The following RIT2 variants were observed in gnomAD, a reference collection of about 807,000 sequenced individuals.
The protein encoded by RIT2 is GTP-binding protein Rit2.
A neutral mutation model predicts 23.7 loss-of-function variants in RIT2; 24 were observed. The observed-to-expected ratio is 1.01, with a 90% CI of 0.73 to 1.43. The LOEUF is 1.43. RIT2 is among the 40% of genes most tolerant of loss of function. The pLI is 0.00. For missense variants in RIT2, 236 were observed against 266.9 expected (o/e 0.88, Z 0.81); for synonymous variants, 107 against 91.1 (o/e 1.17, Z -0.99).
intron 1 of RIT2, among the ~76,000 whole-genome samples, chr18:43,084,849 TAACA>T (rs1368993428): frequency 1.3e-5 from 2 of 152,248 alleles, no homozygotes; most frequent in Non-Finnish European, 2.9e-5. Context: ...TATACCTATG[TAACA>T]AACCTGCACG....
intron 2 of RIT2, among the ~76,000 whole-genome samples, chr18:42,995,066 C>T (rs1055440548): frequency 6.6e-6 from 1 of 152,130 alleles, no homozygotes; most frequent in Non-Finnish European, 1.5e-5. Flanking sequence ...CTTTCCTGTT[C>T]CTCACCCTGA....
rs189279096 is a variant in RIT2, at chr18:42,827,112, G to A, written c.427-83392C>T. On this transcript the variant is annotated intron_variant, in intron 4 of 4. Transcript: ENST00000326695. ...TTGCCTAATGTGTTAGAGGTTTTGCGTAATGCTATTTGTCTATAGTAATGA... is the reference window on the plus strand; with the variant it reads ...TTGCCTAATGTGTTAGAGGTTTTGCATAATGCTATTTGTCTATAGTAATGA... Among the ~76,000 whole-genome samples the A allele has an allele frequency of 2.6e-5, 4 of 152,208 alleles. No individual in the cohort carries two copies. In the East Asian group the frequency reaches 7.7e-4, roughly 29 times the overall value.
intron 2 of RIT2, among the ~76,000 whole-genome samples, chr18:43,013,756 A>C (rs1044824087): frequency 2.0e-5 from 3 of 151,730 alleles, no homozygotes; most frequent in African/African-American, 7.2e-5. Flanking sequence ...TATGAACTTG[A>C]AAACTAGATA....
At chr18:42,923,786 T>C in intron 3 of RIT2, 23 bp from the exon 4 acceptor site, 2 of 1,216,320 alleles carry the variant, frequency 1.6e-6, no homozygotes, top group East Asian at 2.5e-5. Context: ...AAAAAAAAAA[T>C]TAGTTATGGG....
intron 4 of RIT2, among the ~76,000 whole-genome samples, chr18:42,792,101 T>C (rs918490579): frequency 8.1e-4 from 123 of 152,198 alleles, no homozygotes; most frequent in African/African-American, 2.8e-3. Context: ...AAAGTAGCAA[T>C]GGATAGGGAA....
chr18:43,093,479 AC>A, intron 1 of RIT2, among the ~76,000 whole-genome samples: 1 of 151,750 alleles, frequency 6.6e-6, no homozygotes, highest in Non-Finnish European at 1.5e-5. Context: ...ATTGTTATAG[AC>A]CTAGTTCTTT....
chr18:42,967,977 A>G (rs1910275724), intron 3 of RIT2, among the ~76,000 whole-genome samples: 1 of 152,114 alleles, frequency 6.6e-6, no homozygotes, highest in Non-Finnish European at 1.5e-5. Flanking sequence ...AATTTAGATA[A>G]TCAGCATGTT....
chr18:42,810,207 G>T (rs1396340716), intron 4 of RIT2, among the ~76,000 whole-genome samples: 1 of 151,248 alleles, frequency 6.6e-6, no homozygotes, highest in East Asian at 1.9e-4. Context: ...TTAATGAGGT[G>T]TTTTGGGGCT....
intron 2 of RIT2, among the ~76,000 whole-genome samples, chr18:43,032,082 A>G (rs1911867103): frequency 6.6e-6 from 1 of 152,134 alleles, no homozygotes; most frequent in Admixed American, 6.6e-5. Flanking sequence ...ATCAAAAGTA[A>G]TAAAGTACTC....
intron 3 of RIT2, among the ~76,000 whole-genome samples, chr18:42,957,126 T>A (rs1909990745): frequency 6.6e-6 from 1 of 152,164 alleles, no homozygotes; most frequent in Admixed American, 6.5e-5. Flanking sequence ...CATTACATAT[T>A]CACTTAAAAC....
chr18:42,982,746 C>A (rs950786391), intron 2 of RIT2, among the ~76,000 whole-genome samples: 2 of 152,050 alleles, frequency 1.3e-5, no homozygotes, highest in African/African-American at 4.8e-5. Context: ...CAAATTTACA[C>A]TTGCTCAAAA....
intron 1 of RIT2, among the ~76,000 whole-genome samples, chr18:43,111,499 C>T (rs1056435421): frequency 1.3e-5 from 2 of 152,012 alleles, no homozygotes; most frequent in Non-Finnish European, 2.9e-5. Context: ...GATGGATACA[C>T]CATACCCTGA....
intron 4 of RIT2, among the ~76,000 whole-genome samples, chr18:42,852,500 G>T (rs2144038008): frequency 6.6e-6 from 1 of 152,268 alleles, no homozygotes; most frequent in African/African-American, 2.4e-5. Flanking sequence ...ATGGTGTTCA[G>T]GCTCTGGGAC....
At chr18:42,957,242 G>T (rs1223464025) in intron 3 of RIT2, among the ~76,000 whole-genome samples, 1 of 152,052 alleles carries the variant, frequency 6.6e-6, no homozygotes, top group Non-Finnish European at 1.5e-5. Context: ...TATCCATAAT[G>T]CATCCTTCAT....
chr18:43,104,210 C>T (rs889412549), intron 1 of RIT2, among the ~76,000 whole-genome samples: 7 of 152,112 alleles, frequency 4.6e-5, no homozygotes, highest in African/African-American at 1.7e-4. Context: ...CAAAAGTTCT[C>T]ACTTGTAAAT....
At chr18:43,020,449 G>T (rs2144265094) in intron 2 of RIT2, among the ~76,000 whole-genome samples, 1 of 152,084 alleles carries the variant, frequency 6.6e-6, no homozygotes, top group South Asian at 2.1e-4. Flanking sequence ...TCATGTCACT[G>T]CACTCCAGCC....
intron 1 of RIT2, among the ~76,000 whole-genome samples, chr18:43,040,308 T>C (rs924660233): frequency 1.3e-5 from 2 of 152,214 alleles, no homozygotes; most frequent in African/African-American, 2.4e-5. Flanking sequence ...AAGTAGAATG[T>C]ATAAGAACGC....
intron 3 of RIT2, among the ~76,000 whole-genome samples, chr18:42,939,487 TG>T (rs1909541654): frequency 6.6e-6 from 1 of 152,164 alleles, no homozygotes; most frequent in Non-Finnish European, 1.5e-5. Flanking sequence ...AATCACCTTT[TG>T]TTAGGCTGAC....
rs1912839805 is a variant in RIT2 at position 42,743,466 on chromosome 18, AGC to A, written c.*25_*26del. 6 of 1,490,578 alleles carry A rather than the reference AGC, an allele frequency of 4.0e-6. No homozygotes were observed. The South Asian group carries it at 5.7e-5, about 14-fold the overall frequency. The allele number at this position is 1,490,578 out of a possible 1,614,324, so 92.3% of individuals were successfully genotyped here. A position where few individuals can be genotyped will look rare whatever the true frequency, so the allele number is the denominator to read the frequency against. ...ATTGTCCAACTAATAAAATTCAGAG[AGC>A]GTGAGGAACTCAAAAGCAAAGATAT... On this transcript the variant is annotated 3_prime_UTR_variant, in exon 5 of 5. Coordinates refer to ENST00000326695, the MANE Select transcript of RIT2 (RefSeq NM_002930.4).
Sources: allele counts gnomAD v4.1 joint callset (sites outside exome capture counted in the v4.1 genomes callset), GRCh38; gene constraint gnomAD v4.1.1; transcripts MANE v1.5; gene names NCBI Gene and HGNC (gene_info 2026-07-23, HGNC 2026-07-21).